Variants in PARN observed in about 807,000 individuals in gnomAD.
PARN encodes poly(A)-specific ribonuclease, also known as poly(A)-specific ribonuclease PARN.
Under a neutral mutation model 102.8 loss-of-function variants are expected in PARN, and 71 were observed. The observed-to-expected ratio is 0.69, with a 90% CI of 0.57 to 0.84. PARN has a LOEUF of 0.84. PARN is among the 40% of genes least tolerant of loss of function. The pLI is 0.00. For missense variants in PARN, 782 were observed against 760.9 expected (o/e 1.03, Z -0.33); for synonymous variants, 261 against 252.9 (o/e 1.03, Z -0.30).
rs551347809 is a variant in PARN, at chr16:14,486,671, A to T, written c.1481-3844T>A. Among the ~76,000 whole-genome samples, 3 of 152,360 alleles carry T rather than the reference A, an allele frequency of 2.0e-5. No individual in the cohort carries two copies. In the East Asian group the frequency reaches 5.8e-4, roughly 29 times the overall value. ...GGCCTCCACGTGGCAATAATTTACC[A>T]GCATTCCTTGAGTCCCAGCAGCTTT... On this transcript the variant is annotated intron_variant, in intron 21 of 23. Coordinates refer to ENST00000437198, the MANE Select transcript of PARN (RefSeq NM_002582.4).
chr16:14,549,150 C>T (rs1254506832), intron 21 of PARN, among the ~76,000 whole-genome samples: 2 of 152,136 alleles, frequency 1.3e-5, no homozygotes, highest in African/African-American at 4.8e-5. Flanking sequence ...AGAGGCACAG[C>T]ATGCTCAAAT....
At chr16:14,480,812 A>C (rs1963335575) in intron 22 of PARN, among the ~76,000 whole-genome samples, 1 of 152,118 alleles carries the variant, frequency 6.6e-6, no homozygotes, top group Admixed American at 6.5e-5. Context: ...GTGGTGGTGC[A>C]CATCTGTAGT....
At chr16:14,450,747 TATAAA>T (rs1233847904) in intron 22 of PARN, among the ~76,000 whole-genome samples, 1 of 152,070 alleles carries the variant, frequency 6.6e-6, no homozygotes, top group African/African-American at 2.4e-5. Context: ...GGAGATAAAT[TATAAA>T]ATGAGTCTAA....
intron 21 of PARN, among the ~76,000 whole-genome samples, chr16:14,529,352 A>G (rs1966189900): frequency 6.6e-6 from 1 of 152,238 alleles, no homozygotes; most frequent in Non-Finnish European, 1.5e-5. Context: ...TCACATCTGG[A>G]GCATTTCAAG....
chr16:14,462,067 G>A (rs930297292), intron 22 of PARN, among the ~76,000 whole-genome samples: 2 of 152,156 alleles, frequency 1.3e-5, no homozygotes, highest in African/African-American at 4.8e-5. Flanking sequence ...TCATATTATT[G>A]GGGGACTGGT....
intron 21 of PARN, among the ~76,000 whole-genome samples, chr16:14,550,789 C>T (rs565073866): frequency 1.3e-5 from 2 of 152,278 alleles, no homozygotes; most frequent in East Asian, 3.9e-4. Flanking sequence ...ATCAAAGCAA[C>T]ATGGTGCTTG....
intron 18 of PARN, among the ~76,000 whole-genome samples, chr16:14,567,635 G>T (rs1968510531): frequency 6.6e-6 from 1 of 152,168 alleles, no homozygotes; most frequent in African/African-American, 2.4e-5. Flanking sequence ...TAAGAAAGAA[G>T]GGGCCCATGA....
chr16:14,627,472 A>ATATGAATCTGTTC, intron 3 of PARN, 136 bp from the exon 4 acceptor site: 1 of 640,008 alleles, frequency 1.6e-6, no homozygotes, highest in South Asian at 1.8e-5. Flanking sequence ...CAGATTACAC[A>ATATGAATCTGTTC]TATGAATCAG....
chr16:14,618,809 C>A (rs1972100408), intron 5 of PARN, among the ~76,000 whole-genome samples: 1 of 152,102 alleles, frequency 6.6e-6, no homozygotes, highest in African/African-American at 2.4e-5. Context: ...TCAAGTTTAA[C>A]ACAGGCACAT....
rs760564467 is a variant in PARN at position 14,580,870 on chromosome 16, T to C, written c.1262+4A>G. ...TTGGAAACTGGAACTCTCTGATTAC[T>C]TACTTGTTAAAAAAAGGTTCAATGA... On this transcript the variant is annotated splice_donor_region_variant and intron_variant, in intron 18 of 23. Coordinates refer to ENST00000437198, the MANE Select transcript of PARN (RefSeq NM_002582.4). 1.6e-5 allele frequency: 26 copies of C among 1,581,162 alleles called. No homozygotes were observed. Among genetic ancestry groups the C allele is most frequent in the Non-Finnish European group, 2.2e-5 (25 of 1,150,478 alleles).
chr16:14,616,297 A>G (rs995448590), intron 6 of PARN, among the ~76,000 whole-genome samples: 5 of 152,190 alleles, frequency 3.3e-5, no homozygotes, highest in African/African-American at 1.2e-4. Context: ...AAGAGAAATC[A>G]TGCTATGCAA....
At chr16:14,616,444 T>C (rs1472937672) in intron 6 of PARN, among the ~76,000 whole-genome samples, 2 of 152,206 alleles carry the variant, frequency 1.3e-5, no homozygotes, top group East Asian at 1.9e-4. Context: ...TGTCTCCAAC[T>C]ACTAAAAAAG....
At chr16:14,618,656 CAAA>C (rs1181174251) in intron 5 of PARN, among the ~76,000 whole-genome samples, 8 of 88,376 alleles carry the variant, frequency 9.1e-5, no homozygotes, top group Admixed American at 3.8e-4. Context: ...AAGACTGTCT[CAAA>C]AAAAAAAAAA....
intron 23 of PARN, among the ~76,000 whole-genome samples, chr16:14,438,406 T>TA (rs1287052945): frequency 2.9e-5 from 4 of 138,130 alleles, no homozygotes; most frequent in African/African-American, 1.1e-4. Context: ...GCAATACTTG[T>TA]AATCTGCACC....
chr16:14,602,882 G>A (rs1456164173), intron 11 of PARN, among the ~76,000 whole-genome samples: 1 of 151,982 alleles, frequency 6.6e-6, no homozygotes, highest in Non-Finnish European at 1.5e-5. Flanking sequence ...CATCCTCAGT[G>A]AAGCCACATC....
intron 21 of PARN, among the ~76,000 whole-genome samples, chr16:14,495,378 G>A (rs1964264580): frequency 6.6e-6 from 1 of 152,148 alleles, no homozygotes; most frequent in Non-Finnish European, 1.5e-5. Flanking sequence ...CAGCTACTCA[G>A]GAGGATCGTG....
intron 21 of PARN, among the ~76,000 whole-genome samples, chr16:14,512,467 T>C (rs909713186): frequency 1.3e-5 from 2 of 152,100 alleles, no homozygotes; most frequent in Admixed American, 1.3e-4. Context: ...CACTTCAGCC[T>C]GGGCAACAGA....
At chr16:14,494,153 G>A (rs532793967) in intron 21 of PARN, among the ~76,000 whole-genome samples, 127 of 152,310 alleles carry the variant, frequency 8.3e-4, no homozygotes, top group Admixed American at 2.3e-3. Flanking sequence ...GAGTACGTGA[G>A]AATTTTGGTA....
At chr16:14,577,806 T>A (rs1969239583) in intron 18 of PARN, among the ~76,000 whole-genome samples, 1 of 152,076 alleles carries the variant, frequency 6.6e-6, no homozygotes, top group Non-Finnish European at 1.5e-5. Context: ...TAGCTGGGAT[T>A]ACAGGCACCC....
Sources: allele counts gnomAD v4.1 joint callset (sites outside exome capture counted in the v4.1 genomes callset), GRCh38; gene constraint gnomAD v4.1.1; transcripts MANE v1.5; gene names NCBI Gene and HGNC (gene_info 2026-07-23, HGNC 2026-07-21).